TNIK: variants seen among roughly 807,000 people sequenced by gnomAD.
The protein encoded by TNIK is TRAF2 and NCK interacting kinase.
In TNIK, 49 loss-of-function variants were observed where a neutral mutation model predicts 191.3. The observed-to-expected ratio is 0.26, with a 90% confidence interval of 0.20 to 0.32. The LOEUF is 0.32. Ranked by LOEUF, TNIK falls within the 10% of genes least tolerant of loss-of-function variation. TNIK has a pLI of 1.00. For synonymous variants in TNIK, 594 were observed against 600.9 expected (o/e 0.99, Z 0.17); for missense variants, 1,155 against 1,702.3 (o/e 0.68, Z 5.66).
intron 2 of TNIK, among the ~76,000 whole-genome samples, chr3:171,265,081 A>G (rs1339942399): frequency 6.6e-6 from 1 of 152,214 alleles, no homozygotes; most frequent in Admixed American, 6.5e-5. Context: ...ATCTACTAGA[A>G]GAAGGGAAAA....
intron 12 of TNIK, among the ~76,000 whole-genome samples, chr3:171,156,561 A>G (rs1182934982): frequency 1.3e-5 from 2 of 152,126 alleles, no homozygotes; most frequent in Admixed American, 6.5e-5. Flanking sequence ...TCGGTTTCCT[A>G]ATTGTCTAGA....
chr3:171,220,642 C>T (rs554880998), intron 3 of TNIK, among the ~76,000 whole-genome samples: 5 of 152,148 alleles, frequency 3.3e-5, no homozygotes, highest in South Asian at 4.2e-4. Flanking sequence ...TGAACAGCCC[C>T]GTCAGTGATT....
At chr3:171,335,365 A>G (rs930439298) in intron 2 of TNIK, among the ~76,000 whole-genome samples, 6 of 152,228 alleles carry the variant, frequency 3.9e-5, no homozygotes, top group Non-Finnish European at 7.3e-5. Flanking sequence ...AATTTTAACA[A>G]ATGTATACAG....
intron 12 of TNIK, among the ~76,000 whole-genome samples, chr3:171,140,983 G>A (rs577653729): frequency 1.3e-5 from 2 of 152,340 alleles, no homozygotes; most frequent in African/African-American, 2.4e-5. Context: ...ATTGATGGCA[G>A]AGGGTGCTTT....
At chr3:171,358,517 C>G (rs182549387) in intron 2 of TNIK, among the ~76,000 whole-genome samples, 1 of 152,234 alleles carries the variant, frequency 6.6e-6, no homozygotes, top group South Asian at 2.1e-4. Flanking sequence ...CACCCTTGAC[C>G]GGGGATTATT....
At chr3:171,382,218 C>CTTTTTTTTTT in intron 1 of TNIK, among the ~76,000 whole-genome samples, 1 of 99,152 alleles carries the variant, frequency 1.0e-5, no homozygotes, top group Non-Finnish European at 1.9e-5. Flanking sequence ...TTGAATACAT[C>CTTTTTTTTTT]TTTTTTTTTT....
intron 2 of TNIK, among the ~76,000 whole-genome samples, chr3:171,345,054 C>CA (rs578224840): frequency 1.6e-4 from 25 of 152,118 alleles, no homozygotes; most frequent in Non-Finnish European, 2.8e-4. Context: ...CACACAGTGA[C>CA]ATCTATGGTC....
chr3:171,458,367 CATTTCCACTCCAGGGAAAT>C (rs1163197698), intron 1 of TNIK, among the ~76,000 whole-genome samples: 1 of 152,122 alleles, frequency 6.6e-6, no homozygotes, highest in Non-Finnish European at 1.5e-5. Context: ...CTTGATGTGG[CATTTCCACTCCAGGGAAAT>C]AGACAGCTTC....
intron 18 of TNIK, among the ~76,000 whole-genome samples, chr3:171,117,460 C>T (rs536359022): frequency 1.3e-4 from 19 of 142,350 alleles, no homozygotes; most frequent in African/African-American, 5.0e-4. Flanking sequence ...TTACAGTCAA[C>T]ACCTCACAGA....
At chr3:171,126,866 G>C (rs1728549059) in intron 16 of TNIK, among the ~76,000 whole-genome samples, 1 of 152,234 alleles carries the variant, frequency 6.6e-6, no homozygotes, top group African/African-American at 2.4e-5. Flanking sequence ...TGGTGATACT[G>C]TTCACGCAGG....
chr3:171,138,658 A>T (rs1730367799), intron 14 of TNIK, among the ~76,000 whole-genome samples: 1 of 152,148 alleles, frequency 6.6e-6, no homozygotes, highest in South Asian at 2.1e-4. Context: ...CTTGTCCCTG[A>T]TGAATTACAA....
At position 171,264,067 on chromosome 3, in the gene TNIK, TACACACACACACACAC is replaced by T. The variant is rs760319253; in HGVS notation, c.124-35862_124-35847del. On this transcript the variant is annotated intron_variant, in intron 2 of 32. Coordinates refer to ENST00000436636, the MANE Select transcript of TNIK (RefSeq NM_015028.4). Reference sequence around the variant, plus strand: ...ATATGTGTGTGTGTATATATATACATACACACACACACACACACACACACACACACACACACACACA... The same window carrying T: ...ATATGTGTGTGTGTATATATATACATACACACACACACACACACACACACA... Among the ~76,000 whole-genome samples the T allele has an allele frequency of 2.1e-3, 231 of 110,816 alleles. 1 individual carries two copies. Among genetic ancestry groups the T allele is most frequent in the South Asian group, 7.2e-3 (21 of 2,924 alleles). The allele number at this position is 110,816 out of a possible 152,430, so 72.7% of individuals were successfully genotyped here. A position where few individuals can be genotyped will look rare whatever the true frequency, so the allele number is the denominator to read the frequency against.
At chr3:171,153,052 G>C (rs1732679277) in intron 12 of TNIK, among the ~76,000 whole-genome samples, 1 of 152,090 alleles carries the variant, frequency 6.6e-6, no homozygotes. Context: ...ATTACAGTGG[G>C]CGTGAGCCAC....
chr3:171,287,636 A>G (rs1193615202), intron 2 of TNIK, among the ~76,000 whole-genome samples: 1 of 152,236 alleles, frequency 6.6e-6, no homozygotes, highest in African/African-American at 2.4e-5. Flanking sequence ...ATTCCAAACA[A>G]ATCTAGTGCA....
chr3:171,165,265 G>A (rs1259269461), intron 10 of TNIK, among the ~76,000 whole-genome samples: 4 of 151,768 alleles, frequency 2.6e-5, no homozygotes, highest in African/African-American at 4.8e-5. Context: ...GAGCAACAGA[G>A]ACAGAGCCTG....
chr3:171,122,823 T>C (rs936236771), intron 18 of TNIK, among the ~76,000 whole-genome samples: 1 of 152,188 alleles, frequency 6.6e-6, no homozygotes, highest in Admixed American at 6.5e-5. Context: ...GATGTATTCA[T>C]CATGAAAAAT....
At chr3:171,424,338 T>C (rs898383340) in intron 1 of TNIK, among the ~76,000 whole-genome samples, 2 of 152,174 alleles carry the variant, frequency 1.3e-5, no homozygotes, top group African/African-American at 4.8e-5. Flanking sequence ...AAACAACAGG[T>C]GCTGGAGAGG....
rs1202165666 is a variant in TNIK at position 171,234,990 on chromosome 3, C to A, written c.124-6769G>T. ...TCATCTAATTTATACCACAGAATTACCACAATCATCTGTGGCTTTTTAAAA... is the reference window on the plus strand; with the variant it reads ...TCATCTAATTTATACCACAGAATTAACACAATCATCTGTGGCTTTTTAAAA... On this transcript the variant is annotated intron_variant, in intron 2 of 32. Transcript: ENST00000436636. Among the ~76,000 whole-genome samples the A allele has an allele frequency of 2.0e-5, 3 of 152,182 alleles. No individual in the cohort carries two copies. In the East Asian group the frequency reaches 5.8e-4, roughly 29 times the overall value.
chr3:171,154,181 T>G (rs1233938455), intron 12 of TNIK, among the ~76,000 whole-genome samples: 2 of 151,918 alleles, frequency 1.3e-5, no homozygotes, highest in African/African-American at 2.4e-5. Flanking sequence ...AGGGCTGACA[T>G]TTTTAGGCTG....
Sources: allele counts gnomAD v4.1 joint callset (sites outside exome capture counted in the v4.1 genomes callset), GRCh38; gene constraint gnomAD v4.1.1; transcripts MANE v1.5; gene names NCBI Gene and HGNC (gene_info 2026-07-23, HGNC 2026-07-21).